The following THOC5 variants were observed in gnomAD, a reference collection of about 807,000 sequenced individuals.
THOC5 encodes the protein THO complex subunit 5.
THOC5 carries 43 observed loss-of-function variants against 92.9 expected under a neutral mutation model. That is an observed-to-expected ratio of 0.46 (90% CI 0.36 to 0.60). The LOEUF (loss-of-function observed/expected upper bound fraction) is 0.60, where lower values mean the gene tolerates loss of function less well. THOC5 is among the 20% of genes least tolerant of loss of function. THOC5 has a pLI of 0.00. For missense variants in THOC5, 659 were observed against 849.4 expected (o/e 0.78, Z 2.79); for synonymous variants, 296 against 320.1 (o/e 0.92, Z 0.80).
intron 17 of THOC5, among the ~76,000 whole-genome samples, chr22:29,512,892 T>C (rs1386226275): frequency 6.6e-6 from 1 of 152,204 alleles, no homozygotes; most frequent in Non-Finnish European, 1.5e-5. Flanking sequence ...GTGAAAGCCT[T>C]TGCCTTTTTC....
intron 12 of THOC5, among the ~76,000 whole-genome samples, chr22:29,525,550 C>A (rs2063526010): frequency 6.6e-6 from 1 of 152,210 alleles, no homozygotes; most frequent in Admixed American, 6.5e-5. Flanking sequence ...ACACACTTTC[C>A]ACTGGTAGCA....
At chr22:29,545,146 A>C (rs1382695960) in intron 2 of THOC5, 5 of 407,220 alleles carry the variant, frequency 1.2e-5, no homozygotes, top group Admixed American at 1.2e-4. Flanking sequence ...AAAAATGAGG[A>C]GGAAGCAAAA....
At chr22:29,539,939 T>C (rs1325893228) in intron 5 of THOC5, among the ~76,000 whole-genome samples, 1 of 152,152 alleles carries the variant, frequency 6.6e-6, no homozygotes, top group Non-Finnish European at 1.5e-5. Flanking sequence ...TGGAAAAAGA[T>C]CTAGAGGCTT....
chr22:29,521,628 G>A (rs962699386), intron 12 of THOC5, among the ~76,000 whole-genome samples: 7 of 152,236 alleles, frequency 4.6e-5, no homozygotes, highest in African/African-American at 1.7e-4. Flanking sequence ...CACAGGAAAA[G>A]GCCCCCTGTA....
chr22:29,530,897 A>T (rs534800633), intron 8 of THOC5, among the ~76,000 whole-genome samples: 1 of 152,300 alleles, frequency 6.6e-6, no homozygotes, highest in Non-Finnish European at 1.5e-5. Flanking sequence ...GTGGCTGACC[A>T]CTGCCTTATC....
intron 1 of THOC5, 75 bp downstream of exon 1, chr22:29,553,596 G>T (rs957907785): frequency 1.3e-5 from 2 of 152,586 alleles, no homozygotes; most frequent in Non-Finnish European, 2.9e-5. Context: ...CGCCCTTTGG[G>T]CGATCAGCAC....
At chr22:29,527,887 C>T (rs1237827723) in intron 11 of THOC5, among the ~76,000 whole-genome samples, 191 bp downstream of exon 11, 2 of 152,164 alleles carry the variant, frequency 1.3e-5, no homozygotes, top group African/African-American at 2.4e-5. Context: ...AGTTTTGTTG[C>T]TATGTTGTTA....
chr22:29,528,019 G>T, intron 11 of THOC5, 59 bp downstream of exon 11: 1 of 1,552,890 alleles, frequency 6.4e-7, no homozygotes. Flanking sequence ...CTCTGCACCT[G>T]CAGCTGGGTG....
intron 5 of THOC5, among the ~76,000 whole-genome samples, chr22:29,542,630 G>A (rs907287001): frequency 6.6e-6 from 1 of 152,140 alleles, no homozygotes; most frequent in Non-Finnish European, 1.5e-5. Context: ...TGGATGTGGA[G>A]GTGGGCGCCT....
chr22:29,535,939 T>G (rs1214469222), intron 7 of THOC5: 1 of 152,124 alleles, frequency 6.6e-6, no homozygotes, highest in Non-Finnish European at 1.5e-5. Flanking sequence ...CCACCCGAAG[T>G]GCTAGGATTA....
At chr22:29,543,592 C>T in intron 3 of THOC5, 50 bp from the exon 4 acceptor site, 1 of 1,453,468 alleles carries the variant, frequency 6.9e-7, no homozygotes, top group Non-Finnish European at 9.6e-7. Context: ...GCTAGCTCAG[C>T]TTCCTTCAGT....
intron 17 of THOC5, among the ~76,000 whole-genome samples, chr22:29,516,521 C>T (rs2063335577): frequency 6.6e-6 from 1 of 152,164 alleles, no homozygotes; most frequent in Non-Finnish European, 1.5e-5. Flanking sequence ...ACACAACATC[C>T]CAGGACTTCA....
At chr22:29,525,268 T>A (rs563872967) in intron 12 of THOC5, among the ~76,000 whole-genome samples, 1 of 152,156 alleles carries the variant, frequency 6.6e-6, no homozygotes, top group East Asian at 1.9e-4. Context: ...ATAGTGAGAC[T>A]GTGTATCAAC....
chr22:29,553,735 G>C lies in THOC5; in HGVS notation c.-76C>G, dbSNP rs1032044380. The C allele has an allele frequency of 6.6e-6, 1 of 152,430 alleles. No homozygotes were observed. The highest frequency in any genetic ancestry group is 1.5e-5 in the Non-Finnish European group (1 of 68,126). The allele number at this position is 152,430 out of a possible 1,614,324, so 9.4% of individuals were successfully genotyped here. A position where few individuals can be genotyped will look rare whatever the true frequency, so the allele number is the denominator to read the frequency against. On this transcript the variant is annotated 5_prime_UTR_variant, in exon 1 of 20. Transcript: ENST00000490103. Reference sequence around the variant, plus strand: ...GCCGGAGGCGGAGCAAAGCTTGCCCGCGCACCATAGAGAACCGGAAGTAAG... The same window carrying C: ...GCCGGAGGCGGAGCAAAGCTTGCCCCCGCACCATAGAGAACCGGAAGTAAG...
chr22:29,528,316 A>C, intron 10 of THOC5, 110 bp downstream of exon 10: 1 of 1,613,986 alleles, frequency 6.2e-7, no homozygotes, highest in South Asian at 1.1e-5. Context: ...CCCTCCCAGC[A>C]GCACCTTCTT....
chr22:29,508,492 A>G lies in THOC5; in HGVS notation c.2017T>C (p.Tyr673His). Residue 673 changes from tyrosine (Y) to histidine (H), a missense_variant, in exon 20 of 20, where the codon TAC (tyrosine) becomes CAC (histidine). Physicochemically the swap from Tyr to His is moderately conservative, Grantham distance 83 (BLOSUM62 2). Coordinates refer to ENST00000490103, the MANE Select transcript of THOC5 (RefSeq NM_003678.5). The part of the protein sequence containing the change: ...RGPSRMKPFK[Y>H]NHPQGFFSHR ...CTGAAGAATCCCTGAGGATGGTTGT[A>G]TTTAAATGGCTTCATCCTGCTAGGA... is the stretch of plus-strand genomic sequence containing the variant. The G allele has an allele frequency of 6.2e-7, 1 of 1,614,200 alleles. No individual in the cohort carries two copies. The highest frequency in any genetic ancestry group is 1.1e-5 in the South Asian group (1 of 91,086).
intron 12 of THOC5, among the ~76,000 whole-genome samples, chr22:29,521,922 G>C (rs1329177482): frequency 6.6e-6 from 1 of 152,114 alleles, no homozygotes; most frequent in African/African-American, 2.4e-5. Flanking sequence ...TTTGGCCCCA[G>C]CATGCCTTCA....
At chr22:29,532,910 G>A (rs2063684851) in intron 7 of THOC5, among the ~76,000 whole-genome samples, 1 of 152,158 alleles carries the variant, frequency 6.6e-6, no homozygotes, top group Non-Finnish European at 1.5e-5. Context: ...CCTGGGAGAC[G>A]GAGGTTGCAG....
chr22:29,542,504 C>T (rs2063918411), intron 5 of THOC5, among the ~76,000 whole-genome samples: 1 of 152,204 alleles, frequency 6.6e-6, no homozygotes, highest in Non-Finnish European at 1.5e-5. Flanking sequence ...TGGCTCACGC[C>T]TGTAATCCCA....
Sources: allele counts gnomAD v4.1 joint callset (sites outside exome capture counted in the v4.1 genomes callset), GRCh38; gene constraint gnomAD v4.1.1; transcripts MANE v1.5; gene names NCBI Gene and HGNC (gene_info 2026-07-23, HGNC 2026-07-21).